Variants in CYYR1 observed in about 807,000 individuals in gnomAD.
The protein encoded by CYYR1 is cysteine and tyrosine rich 1.
In CYYR1, 14 loss-of-function variants were observed where a neutral mutation model predicts 15.2. The ratio of observed to expected loss-of-function variants is 0.92; its 90% CI spans 0.61 to 1.44. CYYR1 has a LOEUF of 1.44. Ranked by LOEUF, CYYR1 falls within the 40% of genes most tolerant of loss-of-function variation. The pLI is 0.00. For missense variants in CYYR1, 228 were observed against 209.5 expected, an observed-to-expected ratio of 1.09 and a Z score of -0.54; for synonymous variants, 80 against 77.4, an observed-to-expected ratio of 1.03 and a Z score of -0.18.
intron 2 of CYYR1, chr21:26,518,588 T>G (rs2123550373): frequency 6.6e-6 from 1 of 152,468 alleles, no homozygotes; most frequent in East Asian, 1.9e-4. Context: ...CTCTTTTCTT[T>G]ATAAATTACC....
chr21:26,478,853 T>C (rs2065136091), intron 3 of CYYR1, among the ~76,000 whole-genome samples: 1 of 152,056 alleles, frequency 6.6e-6, no homozygotes, highest in Non-Finnish European at 1.5e-5. Context: ...CCAAGAAGTT[T>C]TCCTGGTAGA....
intron 2 of CYYR1, among the ~76,000 whole-genome samples, chr21:26,507,639 A>G (rs2065586937): frequency 6.6e-6 from 1 of 152,240 alleles, no homozygotes; most frequent in Admixed American, 6.5e-5. Flanking sequence ...AGATAAATCA[A>G]TCTGGGGTGA....
chr21:26,475,969 T>C (rs2065098006), intron 3 of CYYR1, among the ~76,000 whole-genome samples: 1 of 152,158 alleles, frequency 6.6e-6, no homozygotes, highest in African/African-American at 2.4e-5. Context: ...GAAGATTGTT[T>C]TTAATATTCA....
chr21:26,525,087 C>G (rs934271123), intron 2 of CYYR1, among the ~76,000 whole-genome samples: 2 of 152,178 alleles, frequency 1.3e-5, no homozygotes, highest in Non-Finnish European at 1.5e-5. Flanking sequence ...TTAAATCTCT[C>G]TACAGATCTA....
intron 2 of CYYR1, among the ~76,000 whole-genome samples, chr21:26,554,069 A>C (rs2123693617): frequency 6.6e-6 from 1 of 152,270 alleles, no homozygotes; most frequent in South Asian, 2.1e-4. Flanking sequence ...TGTTCTTTTA[A>C]GTCTTACAAG....
At chr21:26,468,793 G>A (rs562258510) in intron 3 of CYYR1, among the ~76,000 whole-genome samples, 159 bp from the exon 4 acceptor site, 2 of 152,292 alleles carry the variant, frequency 1.3e-5, no homozygotes, top group African/African-American at 4.8e-5. Context: ...GAAAGGGTAA[G>A]TGCTCTAAAA....
At chr21:26,530,134 C>T (rs866160518) in intron 2 of CYYR1, among the ~76,000 whole-genome samples, 13 of 152,072 alleles carry the variant, frequency 8.5e-5, no homozygotes, top group African/African-American at 3.1e-4. Context: ...TTAGTTTTGC[C>T]AGACAATTTT....
intron 2 of CYYR1, among the ~76,000 whole-genome samples, chr21:26,556,088 G>T (rs1354255510): frequency 6.6e-6 from 1 of 152,132 alleles, no homozygotes; most frequent in Non-Finnish European, 1.5e-5. Context: ...ATCATAAACA[G>T]TGTGATTAGA....
At chr21:26,524,407 G>T (rs940704925) in intron 2 of CYYR1, among the ~76,000 whole-genome samples, 3 of 152,106 alleles carry the variant, frequency 2.0e-5, no homozygotes, top group Non-Finnish European at 4.4e-5. Flanking sequence ...TGTTTTGGCC[G>T]CTCCAATCAA....
intron 3 of CYYR1, among the ~76,000 whole-genome samples, chr21:26,468,987 G>A (rs1210564926): frequency 6.6e-6 from 1 of 152,158 alleles, no homozygotes; most frequent in African/African-American, 2.4e-5. Flanking sequence ...AGACAATGAG[G>A]AGTGCGGTTA....
chr21:26,521,930 C>G (rs888137246), intron 2 of CYYR1, among the ~76,000 whole-genome samples: 3 of 152,156 alleles, frequency 2.0e-5, no homozygotes, highest in African/African-American at 7.2e-5. Flanking sequence ...CTGTTCTGTC[C>G]TTCAAGAAAG....
intron 2 of CYYR1, among the ~76,000 whole-genome samples, chr21:26,538,514 T>G (rs1978337014): frequency 6.6e-6 from 1 of 152,188 alleles, no homozygotes; most frequent in African/African-American, 2.4e-5. Flanking sequence ...TTCTTTCATG[T>G]GCTTATTTTT....
chr21:26,522,919 A>G (rs1020216325), intron 2 of CYYR1, among the ~76,000 whole-genome samples: 5 of 152,242 alleles, frequency 3.3e-5, no homozygotes, highest in Non-Finnish European at 5.9e-5. Context: ...GTGAATGTTC[A>G]GCTTGGTGGG....
intron 2 of CYYR1, chr21:26,550,911 A>G (rs1325261693): frequency 6.6e-6 from 1 of 152,422 alleles, no homozygotes; most frequent in Admixed American, 6.5e-5. Context: ...ACAGAGTCCT[A>G]TTGGAAGAAG....
intron 2 of CYYR1, among the ~76,000 whole-genome samples, chr21:26,563,606 G>C (rs1318279298): frequency 7.6e-6 from 1 of 131,602 alleles, no homozygotes; most frequent in East Asian, 2.6e-4. Flanking sequence ...AATAAAAAAG[G>C]AGAGCAAACT....
chr21:26,553,080 T>C (rs1979510444), intron 2 of CYYR1, among the ~76,000 whole-genome samples: 1 of 152,162 alleles, frequency 6.6e-6, no homozygotes, highest in Admixed American at 6.6e-5. Context: ...TTTAAGAATG[T>C]CTTTATTTTC....
chr21:26,479,528 T>C (rs1004354747), intron 3 of CYYR1, among the ~76,000 whole-genome samples: 7 of 152,196 alleles, frequency 4.6e-5, no homozygotes, highest in Non-Finnish European at 7.4e-5. Flanking sequence ...GAAAGCATTA[T>C]TGAAATCCTC....
intron 2 of CYYR1, among the ~76,000 whole-genome samples, chr21:26,558,557 G>A (rs372287823): frequency 2.6e-5 from 4 of 152,008 alleles, no homozygotes; most frequent in African/African-American, 7.2e-5. Flanking sequence ...CAGTTTGCCC[G>A]GGACCATCCA....
At chr21:26,498,148 T>C (rs568766621) in intron 2 of CYYR1, among the ~76,000 whole-genome samples, 39 of 152,310 alleles carry the variant, frequency 2.6e-4, no homozygotes, top group Non-Finnish European at 7.4e-5. Context: ...GAGCTGTGGA[T>C]ACAACAATGA....
Sources: allele counts gnomAD v4.1 joint callset (sites outside exome capture counted in the v4.1 genomes callset), GRCh38; gene constraint gnomAD v4.1.1; transcripts MANE v1.5; gene names NCBI Gene and HGNC (gene_info 2026-07-23, HGNC 2026-07-21).